PDS5A: variants seen among roughly 807,000 people sequenced by gnomAD.
The protein encoded by PDS5A is sister chromatid cohesion protein PDS5 homolog A.
PDS5A carries 42 observed loss-of-function variants against 167.1 expected under a neutral mutation model. The ratio of observed to expected loss-of-function variants is 0.25; its 90% CI spans 0.20 to 0.33. The LOEUF (loss-of-function observed/expected upper bound fraction) is 0.33, where lower values mean the gene tolerates loss of function less well. Ranked by LOEUF, PDS5A falls within the 10% of genes least tolerant of loss-of-function variation. The pLI, the probability that PDS5A is intolerant of heterozygous loss-of-function variation, is 1.00. For synonymous variants in PDS5A, 553 were observed against 554.6 expected, an observed-to-expected ratio of 1.00 and a Z score of 0.04; for missense variants, 1,033 against 1,605.9, an observed-to-expected ratio of 0.64 and a Z score of 6.10.
chr4:39,904,250 A>G (rs1165366840), intron 11 of PDS5A, 59 bp from the exon 12 acceptor site: 1 of 1,263,684 alleles, frequency 7.9e-7, no homozygotes, highest in Admixed American at 2.3e-5. Context: ...CTAATCTCCA[A>G]AGACTGCCTT....
intron 27 of PDS5A, among the ~76,000 whole-genome samples, chr4:39,849,266 G>A (rs1717906501): frequency 6.6e-6 from 1 of 152,078 alleles, no homozygotes; most frequent in Admixed American, 6.6e-5. Flanking sequence ...CTGTAAGTTC[G>A]TAATATACCA....
chr4:39,905,021 A>ACCT (rs775554221), intron 11 of PDS5A, among the ~76,000 whole-genome samples: 1 of 152,200 alleles, frequency 6.6e-6, no homozygotes, highest in Non-Finnish European at 1.5e-5. Flanking sequence ...ATTCTGGGCC[A>ACCT]GGCATGGTGG....
intron 7 of PDS5A, among the ~76,000 whole-genome samples, chr4:39,919,244 C>G (rs1350296293): frequency 6.6e-6 from 1 of 152,080 alleles, no homozygotes; most frequent in Non-Finnish European, 1.5e-5. Context: ...ACTGAAAAGA[C>G]CTAGATCTAT....
intron 2 of PDS5A, among the ~76,000 whole-genome samples, chr4:39,934,116 T>C (rs144415839): frequency 1.4e-4 from 22 of 152,308 alleles, no homozygotes; most frequent in Non-Finnish European, 2.6e-4. Context: ...ATTATACCAA[T>C]GGTGACTTCC....
intron 2 of PDS5A, among the ~76,000 whole-genome samples, chr4:39,942,100 G>C (rs751403420): frequency 1.3e-5 from 2 of 152,076 alleles, no homozygotes; most frequent in Non-Finnish European, 2.9e-5. Flanking sequence ...AACTCAAAGA[G>C]TGATTTCCTA....
intron 2 of PDS5A, among the ~76,000 whole-genome samples, chr4:39,950,208 C>T (rs1408449562): frequency 2.6e-5 from 4 of 152,032 alleles, no homozygotes; most frequent in Admixed American, 2.0e-4. Flanking sequence ...GCCAATTGTA[C>T]GTTTTAAATG....
chr4:39,975,483 A>G (rs1395050814), intron 2 of PDS5A, among the ~76,000 whole-genome samples: 2 of 152,088 alleles, frequency 1.3e-5, no homozygotes, highest in African/African-American at 2.4e-5. Context: ...TGCTTCCCTC[A>G]CCTCCCACCA....
intron 18 of PDS5A, among the ~76,000 whole-genome samples, chr4:39,879,382 A>G (rs1266261432): frequency 6.6e-6 from 1 of 152,090 alleles, no homozygotes; most frequent in East Asian, 1.9e-4. Context: ...TACTCCCTTT[A>G]ATGATGATAT....
At chr4:39,826,001 AAAG>A (rs1715271355) in intron 32 of PDS5A, among the ~76,000 whole-genome samples, 1 of 152,152 alleles carries the variant, frequency 6.6e-6, no homozygotes, top group Non-Finnish European at 1.5e-5. Flanking sequence ...AAACACCAAT[AAAG>A]AAGTTTTTGT....
intron 2 of PDS5A, among the ~76,000 whole-genome samples, chr4:39,944,959 G>A (rs917233449): frequency 6.6e-6 from 1 of 151,828 alleles, no homozygotes; most frequent in Non-Finnish European, 1.5e-5. Flanking sequence ...AATTCTTAAA[G>A]CCTATTTGTT....
chr4:39,844,862 A>C (rs1245966483), intron 29 of PDS5A, 61 bp from the exon 30 acceptor site: 19 of 1,490,064 alleles, frequency 1.3e-5, no homozygotes, highest in Non-Finnish European at 1.7e-5. Context: ...CCATGTATAC[A>C]TGTAAATTTA....
intron 26 of PDS5A, among the ~76,000 whole-genome samples, chr4:39,855,255 A>G (rs1456787860): frequency 1.3e-5 from 2 of 152,232 alleles, no homozygotes; most frequent in African/African-American, 4.8e-5. Flanking sequence ...TAAAGATAAC[A>G]GAACTATAAC....
intron 11 of PDS5A, among the ~76,000 whole-genome samples, chr4:39,906,773 G>C (rs1723388921): frequency 6.6e-6 from 1 of 151,650 alleles, no homozygotes; most frequent in African/African-American, 2.4e-5. Context: ...GTGGGTGGGA[G>C]TATATTATCT....
chr4:39,829,973 A>AAAAAAAAAAAAAAAAAC (rs1715697555), intron 32 of PDS5A, among the ~76,000 whole-genome samples: 1 of 148,344 alleles, frequency 6.7e-6, no homozygotes, highest in Admixed American at 6.8e-5. Flanking sequence ...AAAAAAAAAA[A>AAAAAAAAAAAAAAAAAC]AAAAAAAAAA....
chr4:39,914,446 C>T (rs1196369563), intron 8 of PDS5A, among the ~76,000 whole-genome samples: 6 of 151,680 alleles, frequency 4.0e-5, no homozygotes, highest in Admixed American at 2.0e-4. Flanking sequence ...GGGCATGAAC[C>T]ACCGCACCTG....
At chr4:39,903,323 T>C (rs917789501) in intron 12 of PDS5A, among the ~76,000 whole-genome samples, 2 of 152,260 alleles carry the variant, frequency 1.3e-5, no homozygotes, top group African/African-American at 4.8e-5. Context: ...TCCTTCTTGC[T>C]AGTACCTATT....
intron 2 of PDS5A, among the ~76,000 whole-genome samples, chr4:39,940,601 A>G (rs1727132733): frequency 6.6e-6 from 1 of 152,266 alleles, no homozygotes; most frequent in Admixed American, 6.5e-5. Context: ...CCTTCACATA[A>G]AAATAAAGAA....
In PDS5A at chr4:39,947,218, G is replaced by GT. The variant is rs138477951; in HGVS notation, c.139-19055dup. On this transcript the variant is annotated intron_variant, in intron 2 of 32. Coordinates refer to ENST00000303538, the MANE Select transcript of PDS5A (RefSeq NM_001100399.2). ...CCTGTAATCCCAGCAATTTGGGAGG[G>GT]TGATGCTGGCGGACCACTTGAGGTC... Among the ~76,000 whole-genome samples the GT allele has an allele frequency of 4.6e-3, 702 of 152,224 alleles. 8 individuals carry two copies. The highest frequency in any genetic ancestry group is 0.016 in the African/African-American group (662 of 41,538).
chr4:39,884,839 C>A (rs114418143), intron 17 of PDS5A, among the ~76,000 whole-genome samples: 27 of 152,304 alleles, frequency 1.8e-4, no homozygotes, highest in African/African-American at 6.0e-4. Flanking sequence ...ACAATGACTA[C>A]TTCATTTTCA....
Sources: allele counts gnomAD v4.1 joint callset (sites outside exome capture counted in the v4.1 genomes callset), GRCh38; gene constraint gnomAD v4.1.1; transcripts MANE v1.5; gene names NCBI Gene and HGNC (gene_info 2026-07-23, HGNC 2026-07-21).